FAM3C: variants seen among roughly 807,000 people sequenced by gnomAD.
The protein encoded by FAM3C is FAM3 metabolism regulating signaling molecule C, also known as protein FAM3C.
FAM3C carries 15 observed loss-of-function variants against 32.5 expected under a neutral mutation model. The observed-to-expected ratio is 0.46, with a 90% confidence interval of 0.31 to 0.71. The LOEUF is 0.71. Among genes scored for constraint, FAM3C ranks in the 30% least tolerant of loss-of-function variants. The pLI is 0.05. For synonymous variants in FAM3C, 75 were observed against 86.1 expected (o/e 0.87, Z 0.72); for missense variants, 175 against 274.4 (o/e 0.64, Z 2.56).
chr7:121,389,468 C>T (rs1794533805), intron 1 of FAM3C, among the ~76,000 whole-genome samples: 1 of 152,160 alleles, frequency 6.6e-6, no homozygotes, highest in Non-Finnish European at 1.5e-5. Context: ...GCTACTACTA[C>T]TGAAGGAAGC....
chr7:121,354,871 G>A (rs760004272), intron 8 of FAM3C, among the ~76,000 whole-genome samples: 2 of 152,028 alleles, frequency 1.3e-5, no homozygotes, highest in Non-Finnish European at 2.9e-5. Flanking sequence ...AACACTTCCA[G>A]AAAAAAATGG....
intron 1 of FAM3C, among the ~76,000 whole-genome samples, chr7:121,389,783 A>G (rs1181407952): frequency 1.3e-5 from 2 of 152,084 alleles, no homozygotes; most frequent in African/African-American, 2.4e-5. Flanking sequence ...AAAGGTAGAC[A>G]TCAAATGATT....
chr7:121,363,150 A>G (rs1481653250), intron 6 of FAM3C, among the ~76,000 whole-genome samples: 4 of 152,184 alleles, frequency 2.6e-5, no homozygotes, highest in African/African-American at 9.6e-5. Flanking sequence ...TATATTTTTA[A>G]AGGGTAATTT....
chr7:121,360,924 T>G (rs1028553052), intron 7 of FAM3C, among the ~76,000 whole-genome samples: 1 of 152,164 alleles, frequency 6.6e-6, no homozygotes, highest in Non-Finnish European at 1.5e-5. Flanking sequence ...ACACAGCTTT[T>G]CTCCGATTCT....
chr7:121,362,798 C>A (rs992946700), intron 7 of FAM3C, 99 bp downstream of exon 7: 1 of 710,872 alleles, frequency 1.4e-6, no homozygotes, highest in African/African-American at 1.9e-5. Flanking sequence ...AATGAACTAA[C>A]GCAAATAGCA....
intron 5 of FAM3C, chr7:121,364,439 A>G: frequency 5.1e-6 from 2 of 395,974 alleles, no homozygotes; most frequent in Non-Finnish European, 9.0e-6. Context: ...CTGAAATAAT[A>G]GACCATTTTT....
At chr7:121,385,154 C>T (rs777878868) in intron 1 of FAM3C, among the ~76,000 whole-genome samples, 12 of 151,524 alleles carry the variant, frequency 7.9e-5, no homozygotes, top group Admixed American at 1.3e-4. Flanking sequence ...AGGCAACAGG[C>T]GAAAGGGCTT....
chr7:121,350,751 C>T (rs1472129143), intron 9 of FAM3C, among the ~76,000 whole-genome samples: 2 of 152,168 alleles, frequency 1.3e-5, no homozygotes, highest in Admixed American at 6.5e-5. Context: ...TGAAAGAATA[C>T]ATTGCACGTG....
chr7:121,378,489 G>A (rs952087569), intron 3 of FAM3C, among the ~76,000 whole-genome samples: 1 of 152,130 alleles, frequency 6.6e-6, no homozygotes, highest in Non-Finnish European at 1.5e-5. Context: ...CCAGCTGCAA[G>A]ACGGATTTCT....
chr7:121,378,526 G>A (rs933038429), intron 3 of FAM3C, among the ~76,000 whole-genome samples: 2 of 152,034 alleles, frequency 1.3e-5, no homozygotes, highest in Non-Finnish European at 2.9e-5. Flanking sequence ...ATGCATTACC[G>A]TGACTCCTAA....
rs556341478 is a variant in FAM3C at position 121,386,069 on chromosome 7, T to C, written c.-41-3059A>G. 9.8e-5 allele frequency among the ~76,000 whole-genome samples: 15 copies of C among 152,298 alleles called. No homozygotes were observed. The South Asian group carries it at 3.1e-3, about 32-fold the overall frequency. ...GCCAATCAACTTGGCTTTTGCAAAC[T>C]GCTTTGGGAATTGCTACAAACTACC... On this transcript the variant is annotated intron_variant, in intron 1 of 9. Transcript: ENST00000359943.
chr7:121,384,829 A>T (rs1794434860), intron 1 of FAM3C, among the ~76,000 whole-genome samples: 1 of 152,228 alleles, frequency 6.6e-6, no homozygotes, highest in African/African-American at 2.4e-5. Context: ...TTAAGAAGCA[A>T]ATTAATGATT....
rs534933122 is a variant in FAM3C at position 121,364,331 on chromosome 7, T to C, written c.273-143A>G. 6.5e-6 allele frequency: 4 copies of C among 612,562 alleles called. No individual in the cohort carries two copies. In the East Asian group the frequency reaches 1.1e-4, roughly 17 times the overall value. 37.9% of individuals were successfully genotyped at this position (612,562 alleles called of 1,614,324 possible). Reference sequence around the variant, plus strand: ...CTGCGGAGGAAATTAAAAAGATCTCTACTAAGTCAGAGAAGACAGTCTAAT... The same window carrying C: ...CTGCGGAGGAAATTAAAAAGATCTCCACTAAGTCAGAGAAGACAGTCTAAT... On this transcript the variant is annotated intron_variant, in intron 5 of 9. Coordinates refer to ENST00000359943, the MANE Select transcript of FAM3C (RefSeq NM_014888.3).
At chr7:121,371,629 AAC>A (rs1794149263) in intron 4 of FAM3C, among the ~76,000 whole-genome samples, 1 of 152,314 alleles carries the variant, frequency 6.6e-6, no homozygotes, top group Non-Finnish European at 1.5e-5. Flanking sequence ...AGAAACCCAC[AAC>A]AGACACCAGA....
At chr7:121,385,287 A>G (rs1239069507) in intron 1 of FAM3C, among the ~76,000 whole-genome samples, 1 of 152,220 alleles carries the variant, frequency 6.6e-6, no homozygotes, top group Non-Finnish European at 1.5e-5. Flanking sequence ...TCAACTTAGT[A>G]CATTTATACA....
intron 1 of FAM3C, among the ~76,000 whole-genome samples, chr7:121,387,118 A>T (rs1203325255): frequency 6.6e-6 from 1 of 152,126 alleles, no homozygotes; most frequent in Non-Finnish European, 1.5e-5. Flanking sequence ...AATGAGTCTA[A>T]TTATATTCTA....
chr7:121,367,193 C>G (rs913455967), intron 5 of FAM3C, among the ~76,000 whole-genome samples: 1 of 152,190 alleles, frequency 6.6e-6, no homozygotes, highest in African/African-American at 2.4e-5. Context: ...CCCCTTCCCA[C>G]ATCTCTAGGC....
intron 3 of FAM3C, among the ~76,000 whole-genome samples, chr7:121,377,839 T>C (rs919134176): frequency 3.9e-5 from 6 of 152,218 alleles, no homozygotes; most frequent in African/African-American, 1.4e-4. Flanking sequence ...GGCTATACAA[T>C]GTAGCCGAGG....
At chr7:121,360,279 T>G in intron 7 of FAM3C, 152 bp from the exon 8 acceptor site, 1 of 558,616 alleles carries the variant, frequency 1.8e-6, no homozygotes, top group Non-Finnish European at 3.2e-6. Context: ...TCATAAAGAG[T>G]TTAAAAACTG....
Sources: allele counts gnomAD v4.1 joint callset (sites outside exome capture counted in the v4.1 genomes callset), GRCh38; gene constraint gnomAD v4.1.1; transcripts MANE v1.5; gene names NCBI Gene and HGNC (gene_info 2026-07-23, HGNC 2026-07-21).